Variants in RNF43 observed in about 807,000 individuals in gnomAD.
The protein encoded by RNF43 is E3 ubiquitin-protein ligase RNF43.
A neutral mutation model predicts 78.4 loss-of-function variants in RNF43; 37 were observed. That is an observed-to-expected ratio of 0.47 (90% confidence interval 0.36 to 0.62). The LOEUF (loss-of-function observed/expected upper bound fraction) is 0.62, where lower values mean the gene tolerates loss of function less well. Among genes scored for constraint, RNF43 ranks in the 20% least tolerant of loss-of-function variants. RNF43 has a pLI of 0.00. For missense variants in RNF43, 774 were observed against 1,007.9 expected (o/e 0.77, Z 3.14); for synonymous variants, 347 against 395.0 (o/e 0.88, Z 1.44).
rs2143395841 is a variant in RNF43 at position 58,357,848 on chromosome 17, T to C, written c.1928A>G (p.Gln643Arg). ...CPSTSSLFNLQKSSLSARHPQ... is the reference protein window; with the variant it reads ...CPSTSSLFNLRKSSLSARHPQ... Reference sequence around the variant, plus strand: ...GTGTCGGGCAGAGAGGCTGGATTTTTGCAAGTTGAACAGACTGCTGGTACT... The same window carrying C: ...GTGTCGGGCAGAGAGGCTGGATTTTCGCAAGTTGAACAGACTGCTGGTACT... The change falls in exon 9 of 10, where the codon CAA (glutamine) becomes CGA (arginine). Residue 643 changes from glutamine (Q) to arginine (R), a missense_variant. Physicochemically the swap from Gln to Arg is conservative, Grantham distance 43. Coordinates refer to ENST00000407977, the MANE Select transcript of RNF43 (RefSeq NM_017763.6). This position sits in a 1 kb window ranked among gnomAD's most constrained non-coding sequence, Gnocchi z 4.5. The C allele has an allele frequency of 1.2e-6, 2 of 1,614,104 alleles. No individual in the cohort carries two copies. The highest frequency in any genetic ancestry group is 1.7e-6 in the Non-Finnish European group (2 of 1,180,004).
chr17:58,371,512 C>T (rs565258046), intron 2 of RNF43, among the ~76,000 whole-genome samples: 1 of 152,374 alleles, frequency 6.6e-6, no homozygotes, highest in Admixed American at 6.5e-5. Flanking sequence ...CCTGCCTCCT[C>T]GGGATGCCCC....
intron 2 of RNF43, among the ~76,000 whole-genome samples, chr17:58,372,553 T>C (rs1201067530): frequency 6.6e-6 from 1 of 152,234 alleles, no homozygotes; most frequent in Non-Finnish European, 1.5e-5. Flanking sequence ...ATTTCTTTGT[T>C]CTGCCAGCAC....
chr17:58,366,418 G>A (rs1010037831), intron 3 of RNF43, among the ~76,000 whole-genome samples: 2 of 152,230 alleles, frequency 1.3e-5, no homozygotes, highest in Non-Finnish European at 2.9e-5. Flanking sequence ...AGCATGCACA[G>A]ACACCCTACC....
At chr17:58,396,266 A>C (rs1009005228) in intron 2 of RNF43, among the ~76,000 whole-genome samples, 2 of 152,218 alleles carry the variant, frequency 1.3e-5, no homozygotes, top group African/African-American at 4.8e-5. Flanking sequence ...AAATCACCCA[A>C]AAATGAAAAT....
chr17:58,383,865 G>T (rs987230529), intron 2 of RNF43, among the ~76,000 whole-genome samples: 2 of 152,076 alleles, frequency 1.3e-5, no homozygotes, highest in African/African-American at 4.8e-5. Flanking sequence ...TGATCTACCC[G>T]ACTTGACCTC....
At chr17:58,359,319 C>T (rs1009548574) in intron 8 of RNF43, among the ~76,000 whole-genome samples, 5 of 152,054 alleles carry the variant, frequency 3.3e-5, no homozygotes, top group African/African-American at 1.2e-4. Flanking sequence ...TATCTACGGC[C>T]GGGCGCGGTG....
chr17:58,360,723 CT>C lies in RNF43; in HGVS notation c.849+59del. The C allele has an allele frequency of 6.5e-7, 1 of 1,533,336 alleles. No homozygotes were observed. The allele number at this position is 1,533,336 out of a possible 1,614,324, so 95.0% of individuals were successfully genotyped here. A position where few individuals can be genotyped will look rare whatever the true frequency, so the allele number is the denominator to read the frequency against. On this transcript the variant is annotated intron_variant, in intron 7 of 9. Transcript: ENST00000407977. This position sits in a 1 kb window ranked among gnomAD's most constrained non-coding sequence, Gnocchi z 4.3. ...TACCAGCCCCTAGGCCTGCCCACCC[CT>C]CCCCCAGCTTCAATCTCCCCAGTCT... is the stretch of plus-strand genomic sequence containing the variant.
At position 58,357,933 on chromosome 17, in the gene RNF43, A is replaced by T. The variant is rs2143398207; in HGVS notation, c.1843T>A (p.Cys615Ser). 6.2e-7 allele frequency: 1 copy of T among 1,613,206 alleles called. No individual in the cohort carries two copies. The highest frequency in any genetic ancestry group is 8.5e-7 in the Non-Finnish European group (1 of 1,179,606). The change falls in exon 9 of 10, where the codon TGC (cysteine) becomes AGC (serine). Residue 615 changes from cysteine to serine, a missense_variant. Coordinates refer to ENST00000407977, the MANE Select transcript of RNF43 (RefSeq NM_017763.6). This position sits in a 1 kb window ranked among gnomAD's most constrained non-coding sequence, Gnocchi z 4.5. ...GCTGGCTCAGGGAGGGCCCTGGGGC[A>T]CTGTGGGTTAGAGAGCCGCCCCGAA... ...APSGRLSNPQ[C>S]PRALPEPAPG... is the part of the protein sequence containing the mutation.
intron 2 of RNF43, among the ~76,000 whole-genome samples, chr17:58,407,385 A>G (rs1484292263): frequency 6.6e-6 from 1 of 152,080 alleles, no homozygotes; most frequent in East Asian, 1.9e-4. Context: ...CAGCCTAGAG[A>G]CAAGAATTTC....
chr17:58,377,034 C>T (rs1973218092), intron 2 of RNF43, among the ~76,000 whole-genome samples: 1 of 131,648 alleles, frequency 7.6e-6, no homozygotes, highest in African/African-American at 2.6e-5. Flanking sequence ...GTCTATTCTC[C>T]CTGTGTCCTC....
At chr17:58,374,191 GA>G (rs34851565) in intron 2 of RNF43, among the ~76,000 whole-genome samples, 7 of 150,128 alleles carry the variant, frequency 4.7e-5, no homozygotes, top group African/African-American at 1.7e-4. Context: ...GTAGAGATTA[GA>G]AAAAAAAAGG....
At chr17:58,359,005 G>A (rs1972772162) in intron 8 of RNF43, among the ~76,000 whole-genome samples, 182 bp from the exon 9 acceptor site, 2 of 152,154 alleles carry the variant, frequency 1.3e-5, no homozygotes, top group Non-Finnish European at 2.9e-5. Context: ...CTCCAGTCAG[G>A]TTGCCTGCCC....
intron 2 of RNF43, among the ~76,000 whole-genome samples, chr17:58,386,608 T>C (rs1428222698): frequency 7.9e-5 from 12 of 152,206 alleles, no homozygotes; most frequent in South Asian, 2.1e-4. Flanking sequence ...ATACTACTTG[T>C]CCAAAATAAA....
At chr17:58,381,624 G>A (rs1352810198) in intron 2 of RNF43, among the ~76,000 whole-genome samples, 1 of 152,180 alleles carries the variant, frequency 6.6e-6, no homozygotes, top group African/African-American at 2.4e-5. Context: ...GATGGTGCCT[G>A]TATATCTCAG....
chr17:58,363,151 A>G (rs1972876101), intron 5 of RNF43, 124 bp downstream of exon 5: 6 of 1,200,040 alleles, frequency 5.0e-6, no homozygotes. Flanking sequence ...TGATGGATGA[A>G]GTTGGACTAG....
rs567366264 is a variant in RNF43, at chr17:58,393,726, A to G, written c.252+21600T>C. Among the ~76,000 whole-genome samples, 9 of 152,300 alleles carry G rather than the reference A, an allele frequency of 5.9e-5. No homozygotes were observed. In the South Asian group the frequency reaches 1.7e-3, roughly 28 times the overall value. Reference sequence around the variant, plus strand: ...TACTTTCTACAACAGATCATAACTCATGTGCATTTTACTTGGGCAGTGCCC... The same window carrying G: ...TACTTTCTACAACAGATCATAACTCGTGTGCATTTTACTTGGGCAGTGCCC... On this transcript the variant is annotated intron_variant, in intron 2 of 9. Transcript: ENST00000407977.
intron 3 of RNF43, among the ~76,000 whole-genome samples, chr17:58,367,338 C>T (rs933821659): frequency 2.0e-5 from 3 of 151,990 alleles, no homozygotes; most frequent in East Asian, 1.9e-4. Context: ...TATGTGTTTC[C>T]GACATGTGAT....
chr17:58,353,423 A>G, downstream of RNF43: 1 of 198,974 alleles, frequency 5.0e-6, no homozygotes, highest in Non-Finnish European at 1.0e-5. Flanking sequence ...TGAAGTGAAC[A>G]GTATAATAAT....
chr17:58,382,168 ACCTATTT>A (rs1333852475), intron 2 of RNF43, among the ~76,000 whole-genome samples: 1 of 152,084 alleles, frequency 6.6e-6, no homozygotes, highest in Non-Finnish European at 1.5e-5. Flanking sequence ...CCACTCTCTT[ACCTATTT>A]CCTCCAGCAG....
Sources: allele counts gnomAD v4.1 joint callset (sites outside exome capture counted in the v4.1 genomes callset), GRCh38; gene constraint gnomAD v4.1.1; non-coding constraint Gnocchi (gnomAD v3.1); transcripts MANE v1.5; gene names NCBI Gene and HGNC (gene_info 2026-07-23, HGNC 2026-07-21).